Variants in EIF4ENIF1 observed in about 807,000 individuals in gnomAD.
EIF4ENIF1 encodes eukaryotic translation initiation factor 4E transporter.
Under a neutral mutation model 110.5 loss-of-function variants are expected in EIF4ENIF1, and 23 were observed. That is an observed-to-expected ratio of 0.21 (90% CI 0.15 to 0.29). The LOEUF (loss-of-function observed/expected upper bound fraction) is 0.29. Ranked by LOEUF, EIF4ENIF1 falls within the 10% of genes least tolerant of loss-of-function variation. The probability of loss-of-function intolerance (pLI) is 1.00; values close to 1 mark genes in which losing one functional copy is unlikely to be tolerated. For synonymous variants in EIF4ENIF1, 440 were observed against 437.0 expected (o/e 1.01, Z -0.09); for missense variants, 1,031 against 1,221.1 (o/e 0.84, Z 2.32).
chr22:31,441,962 G>A lies in EIF4ENIF1; in HGVS notation c.2363C>T (p.Thr788Ile). 6.2e-7 allele frequency: 1 copy of A among 1,614,206 alleles called. No homozygotes were observed. The highest frequency in any genetic ancestry group is 8.5e-7 in the Non-Finnish European group (1 of 1,180,038). Residue 788 changes from threonine (T) to isoleucine (I), a missense_variant, in exon 17 of 19, where the codon ACT becomes ATT. Physicochemically the swap from Thr to Ile is moderately conservative, Grantham distance 89. Coordinates refer to ENST00000330125, the MANE Select transcript of EIF4ENIF1 (RefSeq NM_019843.4). Reference sequence around the variant, plus strand: ...TGCCAAGGTGGGTGTTTTTCTCCCAGTTGCTTTAGGTCGATAATCTTGTTC... The same window carrying A: ...TGCCAAGGTGGGTGTTTTTCTCCCAATTGCTTTAGGTCGATAATCTTGTTC... The part of the protein sequence containing the change: ...TKEQDYRPKA[T>I]GRKTPTLASP...
At chr22:31,448,358 C>A (rs1415507958) in intron 12 of EIF4ENIF1, 126 bp from the exon 13 acceptor site, 3 of 928,960 alleles carry the variant, frequency 3.2e-6, no homozygotes, top group African/African-American at 3.2e-5. Flanking sequence ...ATTGGGCTGA[C>A]AGATGTCCCT....
At chr22:31,451,761 G>C (rs1177863258) in intron 10 of EIF4ENIF1, among the ~76,000 whole-genome samples, 1 of 151,218 alleles carries the variant, frequency 6.6e-6, no homozygotes, top group Admixed American at 6.6e-5. Flanking sequence ...CACGTAGCTC[G>C]AACTATAGGT....
intron 2 of EIF4ENIF1, among the ~76,000 whole-genome samples, chr22:31,482,324 A>AC (rs2146092019): frequency 6.6e-6 from 1 of 152,262 alleles, no homozygotes; most frequent in East Asian, 1.9e-4. Context: ...GTCATTTAAT[A>AC]AGGAATCAGT....
intron 12 of EIF4ENIF1, among the ~76,000 whole-genome samples, chr22:31,448,905 C>T (rs1390349679): frequency 6.6e-6 from 1 of 152,040 alleles, no homozygotes; most frequent in Admixed American, 6.6e-5. Context: ...GACTAAAGAG[C>T]TAGATCAAAG....
chr22:31,461,992 A>G (rs1261708493), intron 6 of EIF4ENIF1, among the ~76,000 whole-genome samples: 1 of 152,172 alleles, frequency 6.6e-6, no homozygotes, highest in Non-Finnish European at 1.5e-5. Context: ...CACAGACAAA[A>G]TACACTCACC....
rs1290013444 is a variant in EIF4ENIF1 at position 31,450,890 on chromosome 22, CACACAA to C, written c.1513-536_1513-531del. On this transcript the variant is annotated intron_variant, in intron 10 of 18. Transcript: ENST00000330125. ...ACACACACACACACACACACACACA[CACACAA>C]AAGAGACAGGGTCTTGTTCTGTTGC... 376 of 151,062 alleles carry C rather than the reference CACACAA, an allele frequency of 2.5e-3. 5 individuals carry two copies. Among genetic ancestry groups the C allele is most frequent in the African/African-American group, 9.6e-3 (339 of 35,346 alleles). The allele number at this position is 151,062 out of a possible 1,614,324, so 9.4% of individuals were successfully genotyped here. A position where few individuals can be genotyped will look rare whatever the true frequency, so the allele number is the denominator to read the frequency against.
rs771597260 is a variant in EIF4ENIF1, at chr22:31,441,550, G to GAA, written c.2551+222_2551+223dup. ...GTGAGACTTCTGTCTCTACAAAAAGGAAAAAAAAAAAAAAAAAAAAAAAGA... is the reference window on the plus strand; with the variant it reads ...GTGAGACTTCTGTCTCTACAAAAAGGAAAAAAAAAAAAAAAAAAAAAAAAAGA... On this transcript the variant is annotated intron_variant, in intron 17 of 18. Transcript: ENST00000330125. Among the ~76,000 whole-genome samples, 226 of 65,196 alleles carry GAA rather than the reference G, an allele frequency of 3.5e-3. 1 individual carries two copies. The highest frequency in any genetic ancestry group is 6.4e-3 in the East Asian group (16 of 2,494). 42.8% of individuals were successfully genotyped at this position (65,196 alleles called of 152,430 possible).
At chr22:31,474,351 G>A (rs1326004020) in intron 2 of EIF4ENIF1, among the ~76,000 whole-genome samples, 4 of 152,116 alleles carry the variant, frequency 2.6e-5, no homozygotes, top group Admixed American at 6.6e-5. Flanking sequence ...GTGAGCCACC[G>A]TGCCCGGCTG....
chr22:31,458,930 T>A (rs1050379003), intron 6 of EIF4ENIF1, among the ~76,000 whole-genome samples: 3 of 148,092 alleles, frequency 2.0e-5, no homozygotes, highest in Admixed American at 6.7e-5. Context: ...GGGGTCTTTT[T>A]TTTTTTTTTT....
At chr22:31,483,775 A>G (rs1349453291) in intron 2 of EIF4ENIF1, among the ~76,000 whole-genome samples, 1 of 152,198 alleles carries the variant, frequency 6.6e-6, no homozygotes, top group Non-Finnish European at 1.5e-5. Context: ...AAGTCCTTCA[A>G]CATGATCCGA....
chr22:31,472,441 G>C (rs191383488), intron 2 of EIF4ENIF1, among the ~76,000 whole-genome samples: 1 of 152,164 alleles, frequency 6.6e-6, no homozygotes, highest in East Asian at 1.9e-4. Flanking sequence ...GCTAATTTTT[G>C]TATTTTTAGT....
Position 31,454,384 on chromosome 22 carries a change from G to A in EIF4ENIF1, c.1280-8C>T. The A allele has an allele frequency of 6.2e-7, 1 of 1,612,452 alleles. No individual in the cohort carries two copies. Among genetic ancestry groups the A allele is most frequent in the Non-Finnish European group, 8.5e-7 (1 of 1,178,766 alleles). The stretch of plus-strand genomic sequence containing the variant: ...GCACAACCCCTGAATGTGCTGAGAA[G>A]TTGAGAACGTCCAGGTTAAATCAAG... On this transcript the variant is annotated splice_polypyrimidine_tract_variant and splice_region_variant and intron_variant, in intron 9 of 18. Coordinates refer to ENST00000330125, the MANE Select transcript of EIF4ENIF1 (RefSeq NM_019843.4).
chr22:31,482,635 T>C (rs1353153785), intron 2 of EIF4ENIF1, among the ~76,000 whole-genome samples: 6 of 149,944 alleles, frequency 4.0e-5, no homozygotes, highest in African/African-American at 1.5e-4. Context: ...TGAGCCAAGA[T>C]TGCAACACTG....
At chr22:31,444,190 C>A (rs1014332175) in intron 15 of EIF4ENIF1, among the ~76,000 whole-genome samples, 7 of 152,172 alleles carry the variant, frequency 4.6e-5, no homozygotes, top group Non-Finnish European at 8.8e-5. Flanking sequence ...TAGTTTATAT[C>A]ACTGAGACCT....
At chr22:31,450,025 C>T (rs1180133804) in intron 11 of EIF4ENIF1, among the ~76,000 whole-genome samples, 1 of 152,198 alleles carries the variant, frequency 6.6e-6, no homozygotes, top group Non-Finnish European at 1.5e-5. Context: ...GCCACCGTGC[C>T]TGGCTAGATA....
At chr22:31,445,789 A>G (rs2050444464) in intron 14 of EIF4ENIF1, among the ~76,000 whole-genome samples, 1 of 152,184 alleles carries the variant, frequency 6.6e-6, no homozygotes, top group South Asian at 2.1e-4. Context: ...GGGGAAAGGC[A>G]TGTTTGTTGG....
At chr22:31,490,283 T>C (rs1202188546), upstream of EIF4ENIF1, among the ~76,000 whole-genome samples, 2 of 152,246 alleles carry the variant, frequency 1.3e-5, no homozygotes, top group Non-Finnish European at 2.9e-5. Context: ...ATGGTTCGCA[T>C]AGGCAGAGAA....
chr22:31,485,073 G>A (rs2051969102), intron 2 of EIF4ENIF1, among the ~76,000 whole-genome samples: 1 of 152,128 alleles, frequency 6.6e-6, no homozygotes, highest in Non-Finnish European at 1.5e-5. Flanking sequence ...TTATCCCCAA[G>A]TCCCGCATAG....
intron 2 of EIF4ENIF1, among the ~76,000 whole-genome samples, chr22:31,477,375 C>CAA (rs869068858): frequency 1.5e-5 from 1 of 68,334 alleles, no homozygotes; most frequent in Non-Finnish European, 2.6e-5. Context: ...AAAAAAAAAA[C>CAA]AAAAAAAACA....
Sources: gnomAD v4.1 joint callset for allele counts (sites outside exome capture counted in the v4.1 genomes callset) on GRCh38, gnomAD v4.1.1 for gene constraint, MANE v1.5 for transcripts, NCBI Gene and HGNC (gene_info 2026-07-23, HGNC 2026-07-21) for gene names.